Variants in NRDE2 observed in about 807,000 individuals in gnomAD.
NRDE2 encodes NRDE-2, necessary for RNA interference, domain containing.
NRDE2 carries 76 observed loss-of-function variants against 124.2 expected under a neutral mutation model. The observed-to-expected ratio is 0.61, with a 90% CI of 0.51 to 0.74. NRDE2 has a LOEUF of 0.74. NRDE2 is among the 30% of genes least tolerant of loss of function. The pLI is 0.00. For missense variants in NRDE2, 1,314 were observed against 1,417.3 expected (o/e 0.93, Z 1.17); for synonymous variants, 489 against 528.1 (o/e 0.93, Z 1.01).
rs1246878948 is a variant in NRDE2 at position 90,278,259 on chromosome 14, G to A, written c.*77C>T. On this transcript the variant is annotated 3_prime_UTR_variant, in exon 14 of 14. Transcript: ENST00000354366. ...AAAGCCGAGTTCTCCTAACACACAC[G>A]TTCTCTGCTCGCGCCTCCTAGCTCC... The A allele has an allele frequency of 8.3e-6, 13 of 1,569,758 alleles. No individual in the cohort carries two copies. Among genetic ancestry groups the A allele is most frequent in the Admixed American group, 3.4e-5 (2 of 59,048 alleles).
Position 90,269,999 on chromosome 14 carries a change from C to A in NRDE2, c.*8337G>T. The A allele has an allele frequency of 1.7e-6, 1 of 576,086 alleles. No homozygotes were observed. Among genetic ancestry groups the A allele is most frequent in the Non-Finnish European group, 2.9e-6 (1 of 339,450 alleles). The allele number at this position is 576,086 out of a possible 1,614,324, so 35.7% of individuals were successfully genotyped here. A position where few individuals can be genotyped will look rare whatever the true frequency, so the allele number is the denominator to read the frequency against. ...GAAGGTACCAAAGCAGAGAGAGTTTCTTTTAAATGAAGAGAATTCAAATGT... is the reference window on the plus strand; with the variant it reads ...GAAGGTACCAAAGCAGAGAGAGTTTATTTTAAATGAAGAGAATTCAAATGT... On this transcript the variant is annotated 3_prime_UTR_variant, in exon 14 of 14. Transcript: ENST00000354366.
intron 11 of NRDE2, 114 bp downstream of exon 11, chr14:90,288,103 T>C: frequency 3.2e-6 from 3 of 948,208 alleles, no homozygotes; most frequent in Non-Finnish European, 4.8e-6. Context: ...GCAGGTGTTC[T>C]GGGCACCGTG....
chr14:90,301,632 T>C, intron 6 of NRDE2: 1 of 445,922 alleles, frequency 2.2e-6, no homozygotes, highest in South Asian at 1.9e-5. Context: ...TACATAAAAA[T>C]AAGTCAAGAG....
intron 1 of NRDE2, among the ~76,000 whole-genome samples, chr14:90,321,565 A>G (rs58887895): frequency 0.018 from 2,780 of 151,610 alleles, 83 homozygotes; most frequent in African/African-American, 0.062. Flanking sequence ...AAAAAAAAAA[A>G]AAAGAAAAGA....
Position 90,298,379 on chromosome 14 carries a change from A to C in NRDE2, c.1547T>G (p.Val516Gly). ...SVKDLPTKGQ[V>G]EFFEPFWDSG... Reference sequence around the variant, plus strand: ...GTCCCAAAAGGGTTCAAAGAATTCCACCTGTTCAGATTTTAGAATGGACGT... The same window carrying C: ...GTCCCAAAAGGGTTCAAAGAATTCCCCCTGTTCAGATTTTAGAATGGACGT... Residue 516 changes from valine (V) to glycine (G), a missense_variant and splice_region_variant, in exon 8 of 14, where the codon GTG becomes GGG. Coordinates refer to ENST00000354366, the MANE Select transcript of NRDE2 (RefSeq NM_017970.4). 1.9e-6 allele frequency: 3 copies of C among 1,613,744 alleles called. No individual in the cohort carries two copies. Among genetic ancestry groups the C allele is most frequent in the Non-Finnish European group, 2.5e-6 (3 of 1,180,002 alleles).
chr14:90,297,940 C>CA (rs58242184), intron 8 of NRDE2, among the ~76,000 whole-genome samples: 38 of 96,492 alleles, frequency 3.9e-4, no homozygotes, highest in African/African-American at 1.1e-3. Flanking sequence ...GATTCTGTCT[C>CA]AAAAAAAAAA....
At chr14:90,307,058 A>C (rs1031201514) in intron 4 of NRDE2, among the ~76,000 whole-genome samples, 3 of 152,200 alleles carry the variant, frequency 2.0e-5, no homozygotes, top group African/African-American at 7.2e-5. Flanking sequence ...TGATAAGGGA[A>C]GGGGAAAAAT....
chr14:90,312,360 T>C, intron 4 of NRDE2, 34 bp downstream of exon 4: 1 of 1,610,266 alleles, frequency 6.2e-7, no homozygotes, highest in Middle Eastern at 1.8e-4. Context: ...GTCACTTTCC[T>C]ACAGTGAAAA....
At chr14:90,299,988 T>C (rs1252808331) in intron 7 of NRDE2, among the ~76,000 whole-genome samples, 1 of 152,180 alleles carries the variant, frequency 6.6e-6, no homozygotes, top group African/African-American at 2.4e-5. Flanking sequence ...TATTCCAAAG[T>C]TGTCATGTAA....
rs572289949 is a variant in NRDE2, at chr14:90,287,486, G to A, written c.3158+731C>T. On this transcript the variant is annotated intron_variant, in intron 11 of 13. Coordinates refer to ENST00000354366, the MANE Select transcript of NRDE2 (RefSeq NM_017970.4). Reference sequence around the variant, plus strand: ...TAAAAAATAAAAAAATTAGCCAGGCGTGGTGGTGCCTGTAGTCCCAGCTAC... The same window carrying A: ...TAAAAAATAAAAAAATTAGCCAGGCATGGTGGTGCCTGTAGTCCCAGCTAC... Among the ~76,000 whole-genome samples the A allele has an allele frequency of 2.6e-4, 39 of 152,038 alleles. 1 individual carries two copies. The highest frequency in any genetic ancestry group is 8.2e-4 in the African/African-American group (34 of 41,462).
chr14:90,278,280 G>T lies in NRDE2; in HGVS notation c.*56C>A. On this transcript the variant is annotated 3_prime_UTR_variant, in exon 14 of 14. Coordinates refer to ENST00000354366, the MANE Select transcript of NRDE2 (RefSeq NM_017970.4). ...ACACGTTCTCTGCTCGCGCCTCCTA[G>T]CTCCGCAGGGTGGGCAACTTGGCCT... The T allele has an allele frequency of 1.2e-6, 2 of 1,609,630 alleles. No homozygotes were observed. Among genetic ancestry groups the T allele is most frequent in the Non-Finnish European group, 1.7e-6 (2 of 1,176,586 alleles).
At chr14:90,322,777 C>T (rs1418674011) in intron 1 of NRDE2, among the ~76,000 whole-genome samples, 1 of 152,158 alleles carries the variant, frequency 6.6e-6, no homozygotes, top group Non-Finnish European at 1.5e-5. Flanking sequence ...TTTAATTCAA[C>T]AGAATTCTGG....
At chr14:90,290,995 T>C (rs1419849237) in intron 9 of NRDE2, among the ~76,000 whole-genome samples, 1 of 152,254 alleles carries the variant, frequency 6.6e-6, no homozygotes, top group African/African-American at 2.4e-5. Context: ...GTGAAAAATT[T>C]GTATTGTAAG....
At chr14:90,325,242 C>T (rs1566703168) in intron 1 of NRDE2, among the ~76,000 whole-genome samples, 1 of 152,122 alleles carries the variant, frequency 6.6e-6, no homozygotes, top group Non-Finnish European at 1.5e-5. Flanking sequence ...AATATGTCTG[C>T]TTCATATAAT....
chr14:90,330,591 G>A (rs767926186), intron 1 of NRDE2, among the ~76,000 whole-genome samples: 11 of 151,992 alleles, frequency 7.2e-5, no homozygotes, highest in African/African-American at 2.2e-4. Flanking sequence ...ATAGAGAATC[G>A]CTTGAGCTCA....
At chr14:90,289,394 G>A (rs1892208511) in intron 10 of NRDE2, among the ~76,000 whole-genome samples, 1 of 152,166 alleles carries the variant, frequency 6.6e-6, no homozygotes, top group Admixed American at 6.5e-5. Flanking sequence ...ACCTACAAAT[G>A]TTCTTCTCCA....
rs1347441231 is a variant in NRDE2, at chr14:90,271,736, C to T, written c.*6600G>A. On this transcript the variant is annotated 3_prime_UTR_variant, in exon 14 of 14. Coordinates refer to ENST00000354366, the MANE Select transcript of NRDE2 (RefSeq NM_017970.4). ...CAAAACTAGAACCCACAGCCCTGAC[C>T]CTTGGGTCAGTCTTAGTTACAGTAA... is the stretch of plus-strand genomic sequence containing the variant. 6.6e-6 allele frequency: 1 copy of T among 152,216 alleles called. No homozygotes were observed. The highest frequency in any genetic ancestry group is 1.5e-5 in the Non-Finnish European group (1 of 68,078). 9.4% of individuals were successfully genotyped at this position (152,216 alleles called of 1,614,324 possible). A position where few individuals can be genotyped will look rare whatever the true frequency, so the allele number is the denominator to read the frequency against.
At chr14:90,320,833 C>T in intron 1 of NRDE2, among the ~76,000 whole-genome samples, 1 of 152,162 alleles carries the variant, frequency 6.6e-6, no homozygotes, top group East Asian at 1.9e-4. Context: ...GTATTATGAT[C>T]ACCATTTTAT....
chr14:90,331,281 G>A (rs891091940), intron 1 of NRDE2, among the ~76,000 whole-genome samples: 13 of 152,176 alleles, frequency 8.5e-5, no homozygotes, highest in African/African-American at 3.1e-4. Flanking sequence ...TAAGTAAAAT[G>A]TGTAAAGCCA....
Sources: gnomAD v4.1 joint callset for allele counts (sites outside exome capture counted in the v4.1 genomes callset) on GRCh38, gnomAD v4.1.1 for gene constraint, MANE v1.5 for transcripts, NCBI Gene and HGNC (gene_info 2026-07-23, HGNC 2026-07-21) for gene names.